LRP1B: variants seen among roughly 807,000 people sequenced by gnomAD.
The protein encoded by LRP1B is LDL receptor related protein 1B, also known as low-density lipoprotein receptor-related protein 1B.
Under a neutral mutation model 556.6 loss-of-function variants are expected in LRP1B, and 217 were observed. The observed-to-expected ratio is 0.39, with a 90% CI of 0.35 to 0.44. The LOEUF (loss-of-function observed/expected upper bound fraction) is 0.44. Among genes scored for constraint, LRP1B ranks in the 20% least tolerant of loss-of-function variants. The pLI is 1.00. For synonymous variants in LRP1B, 2,047 were observed against 1,865.8 expected, an observed-to-expected ratio of 1.10 and a Z score of -2.50; for missense variants, 5,053 against 5,620.8, an observed-to-expected ratio of 0.90 and a Z score of 3.23.
chr2:140,419,169 TATCAA>T (rs1393518123), intron 66 of LRP1B, among the ~76,000 whole-genome samples: 1 of 152,152 alleles, frequency 6.6e-6, no homozygotes, highest in Non-Finnish European at 1.5e-5. Flanking sequence ...GCCACAATCA[TATCAA>T]AGTAGATATC....
chr2:140,801,143 A>G (rs1286847282), intron 32 of LRP1B, among the ~76,000 whole-genome samples: 2 of 152,332 alleles, frequency 1.3e-5, no homozygotes, highest in Non-Finnish European at 2.9e-5. Flanking sequence ...GTTATGAGTG[A>G]AACATATATG....
chr2:141,824,556 G>A (rs1171997389), intron 1 of LRP1B, among the ~76,000 whole-genome samples: 2 of 152,076 alleles, frequency 1.3e-5, no homozygotes, highest in Non-Finnish European at 2.9e-5. Flanking sequence ...TAGTAGAGAC[G>A]GGGTTTCACC....
chr2:141,875,033 A>G (rs2104881325), intron 1 of LRP1B, among the ~76,000 whole-genome samples: 1 of 152,024 alleles, frequency 6.6e-6, no homozygotes, highest in South Asian at 2.1e-4. Context: ...AATAAACACC[A>G]TTATTACTGC....
intron 1 of LRP1B, among the ~76,000 whole-genome samples, chr2:141,882,984 G>A (rs778063355): frequency 3.3e-5 from 5 of 152,120 alleles, no homozygotes; most frequent in Admixed American, 1.3e-4. Context: ...AAGGCATTGC[G>A]GCTAAAGTAC....
intron 1 of LRP1B, among the ~76,000 whole-genome samples, chr2:142,084,642 C>T (rs1379333567): frequency 6.6e-6 from 1 of 152,094 alleles, no homozygotes; most frequent in Non-Finnish European, 1.5e-5. Context: ...CTCCTCACTC[C>T]CCAAACCCTC....
intron 2 of LRP1B, among the ~76,000 whole-genome samples, chr2:141,710,084 A>G (rs116467987): frequency 2.0e-5 from 3 of 152,050 alleles, no homozygotes. Flanking sequence ...AAATCTAAAT[A>G]CCATTACACT....
At chr2:141,370,531 C>T (rs1163130888) in intron 3 of LRP1B, among the ~76,000 whole-genome samples, 1 of 151,994 alleles carries the variant, frequency 6.6e-6, no homozygotes, top group Non-Finnish European at 1.5e-5. Context: ...TTGGGTTCTT[C>T]GTAAATCCTG....
chr2:140,337,491 T>C (rs1228668757), intron 77 of LRP1B, among the ~76,000 whole-genome samples: 1 of 151,872 alleles, frequency 6.6e-6, no homozygotes, highest in Non-Finnish European at 1.5e-5. Context: ...GCTAACCGTA[T>C]TTTTATTTTC....
intron 20 of LRP1B, among the ~76,000 whole-genome samples, chr2:140,936,962 G>T (rs987511797): frequency 3.3e-5 from 5 of 152,090 alleles, no homozygotes; most frequent in African/African-American, 4.8e-5. Context: ...TAACTGAAAG[G>T]AGTGGAGACA....
intron 1 of LRP1B, among the ~76,000 whole-genome samples, chr2:141,955,311 C>G (rs982014968): frequency 1.3e-5 from 2 of 152,128 alleles, no homozygotes; most frequent in African/African-American, 4.8e-5. Context: ...TCAACTACCA[C>G]ATAATAGTTT....
chr2:141,993,969 G>C (rs182470770), intron 1 of LRP1B, among the ~76,000 whole-genome samples: 83 of 151,986 alleles, frequency 5.5e-4, no homozygotes, highest in African/African-American at 2.0e-3. Flanking sequence ...TCATCTAATT[G>C]TCATGTTTTC....
chr2:142,002,557 A>G (rs989926417), intron 1 of LRP1B, among the ~76,000 whole-genome samples: 2 of 151,400 alleles, frequency 1.3e-5, no homozygotes, highest in Non-Finnish European at 2.9e-5. Flanking sequence ...TACATATCAC[A>G]TAATTCATTG....
chr2:140,927,533 G>C (rs1694922114), intron 20 of LRP1B, among the ~76,000 whole-genome samples: 1 of 151,978 alleles, frequency 6.6e-6, no homozygotes, highest in Admixed American at 6.6e-5. Context: ...TAATCAAAAA[G>C]CATTTATAAA....
At position 141,465,548 on chromosome 2, in the gene LRP1B, T is replaced by C. The variant is rs111526061; in HGVS notation, c.343+14848A>G. On this transcript the variant is annotated intron_variant, in intron 3 of 90. Transcript: ENST00000389484. ...TTTGCTACAGCACAGCATGACTTTT[T>C]TTTTTTTTTTTGAGACAAGGTGACA... Among the ~76,000 whole-genome samples the C allele has an allele frequency of 5.4e-3, 317 of 59,036 alleles. 4 individuals are homozygous for C. The highest frequency in any genetic ancestry group is 5.2e-3 in the Non-Finnish European group (122 of 23,560). 38.7% of individuals were successfully genotyped at this position (59,036 alleles called of 152,430 possible). A position where few individuals can be genotyped will look rare whatever the true frequency, so the allele number is the denominator to read the frequency against.
chr2:141,243,072 T>C (rs1683937978), intron 5 of LRP1B, among the ~76,000 whole-genome samples: 1 of 152,078 alleles, frequency 6.6e-6, no homozygotes, highest in Non-Finnish European at 1.5e-5. Context: ...TCAAAAAATA[T>C]ATCAAAATGT....
At chr2:141,858,603 T>C (rs1698139657) in intron 1 of LRP1B, among the ~76,000 whole-genome samples, 1 of 152,098 alleles carries the variant, frequency 6.6e-6, no homozygotes, top group African/African-American at 2.4e-5. Flanking sequence ...ATAAGGACTA[T>C]TACTGTTATT....
intron 1 of LRP1B, among the ~76,000 whole-genome samples, chr2:142,123,021 A>G (rs567671702): frequency 6.6e-6 from 1 of 152,158 alleles, no homozygotes; most frequent in East Asian, 1.9e-4. Context: ...GCTTCAATAA[A>G]TTCTGACTAT....
chr2:140,278,678 G>T (rs540047269), intron 84 of LRP1B, among the ~76,000 whole-genome samples: 93 of 152,096 alleles, frequency 6.1e-4, no homozygotes, highest in African/African-American at 2.2e-3. Context: ...GCAAATATTA[G>T]AATTTACACT....
intron 6 of LRP1B, among the ~76,000 whole-genome samples, chr2:141,190,532 G>A (rs542367216): frequency 2.6e-5 from 4 of 151,816 alleles, no homozygotes; most frequent in African/African-American, 7.2e-5. Context: ...TGCCCTGTGA[G>A]GTATTAAACA....
Sources: gnomAD v4.1 joint callset for allele counts (sites outside exome capture counted in the v4.1 genomes callset) on GRCh38, gnomAD v4.1.1 for gene constraint, MANE v1.5 for transcripts, NCBI Gene and HGNC (gene_info 2026-07-23, HGNC 2026-07-21) for gene names.